The following EPHA5 variants were observed in gnomAD, a reference collection of about 807,000 sequenced individuals.
The protein encoded by EPHA5 is EPH receptor A5.
Under a neutral mutation model 105.0 loss-of-function variants are expected in EPHA5, and 60 were observed. That is an observed-to-expected ratio of 0.57 (90% confidence interval 0.46 to 0.71). The LOEUF (loss-of-function observed/expected upper bound fraction) is 0.71, where lower values mean the gene tolerates loss of function less well. EPHA5 is among the 30% of genes least tolerant of loss of function. The pLI, the probability that EPHA5 is intolerant of heterozygous loss-of-function variation, is 0.00. For synonymous variants in EPHA5, 513 were observed against 449.1 expected, an observed-to-expected ratio of 1.14 and a Z score of -1.80; for missense variants, 1,218 against 1,274.7, an observed-to-expected ratio of 0.96 and a Z score of 0.68.
At chr4:65,518,185 A>C (rs1237110695) in intron 3 of EPHA5, among the ~76,000 whole-genome samples, 1 of 151,962 alleles carries the variant, frequency 6.6e-6, no homozygotes, top group Non-Finnish European at 1.5e-5. Flanking sequence ...TCATGATATA[A>C]ATGCCATTTA....
intron 2 of EPHA5, among the ~76,000 whole-genome samples, chr4:65,616,281 G>A (rs962882001): frequency 3.3e-5 from 5 of 151,806 alleles, no homozygotes; most frequent in Non-Finnish European, 5.9e-5. Context: ...TTAGATCTGC[G>A]GATGAGGGAA....
intron 5 of EPHA5, among the ~76,000 whole-genome samples, chr4:65,454,320 G>A (rs1436242365): frequency 1.3e-5 from 2 of 151,606 alleles, no homozygotes; most frequent in Non-Finnish European, 2.9e-5. Flanking sequence ...AATATGAACA[G>A]TGTTGGTCCT....
Position 65,445,487 on chromosome 4 carries a change from A to T in EPHA5, c.1403-24922T>A, listed in dbSNP as rs556771080. The stretch of plus-strand genomic sequence containing the variant: ...TCTTTATGAGAAAAGTTAATTGGTC[A>T]TATAGTTTCGTAGTAATGAAGATGC... On this transcript the variant is annotated intron_variant, in intron 5 of 16. Transcript: ENST00000613740. 2.6e-5 allele frequency among the ~76,000 whole-genome samples: 4 copies of T among 152,270 alleles called. No homozygotes were observed. In the South Asian group the frequency reaches 6.2e-4, roughly 24 times the overall value.
intron 3 of EPHA5, chr4:65,573,906 A>T: frequency 6.2e-7 from 1 of 1,610,336 alleles, no homozygotes; most frequent in Non-Finnish European, 8.5e-7. Context: ...CCCCGGGACC[A>T]TTCTGATCAT....
chr4:65,515,383 GTC>G (rs1230165170), intron 3 of EPHA5, among the ~76,000 whole-genome samples: 1 of 152,030 alleles, frequency 6.6e-6, no homozygotes, highest in African/African-American at 2.4e-5. Flanking sequence ...TACGAATGAA[GTC>G]TGTTAAAATT....
chr4:65,477,900 A>G (rs1163649727), intron 5 of EPHA5, among the ~76,000 whole-genome samples: 2 of 152,320 alleles, frequency 1.3e-5, no homozygotes, highest in South Asian at 4.1e-4. Flanking sequence ...GAGAAGGAAC[A>G]GAAGGCCCTG....
At chr4:65,665,001 T>A (rs1337808495) in intron 1 of EPHA5, among the ~76,000 whole-genome samples, 2 of 151,906 alleles carry the variant, frequency 1.3e-5, no homozygotes, top group African/African-American at 2.4e-5. Context: ...AACTATTCAT[T>A]AGTAAAATAG....
At chr4:65,615,684 C>G (rs568879606) in intron 2 of EPHA5, among the ~76,000 whole-genome samples, 1 of 151,880 alleles carries the variant, frequency 6.6e-6, no homozygotes, top group East Asian at 1.9e-4. Context: ...TGAAATGATG[C>G]TAAATGTCAT....
In EPHA5 at chr4:65,665,737, C is replaced by T. The variant is rs1055171684; in HGVS notation, c.181+3825G>A. On this transcript the variant is annotated intron_variant, in intron 1 of 16. Transcript: ENST00000613740. ...AAATGAAATCCTCTTACCTGTCACCCTAACACCCAAGAAGATCTTTGTCTA... is the reference window on the plus strand; with the variant it reads ...AAATGAAATCCTCTTACCTGTCACCTTAACACCCAAGAAGATCTTTGTCTA... 3.3e-5 allele frequency among the ~76,000 whole-genome samples: 5 copies of T among 152,244 alleles called. No homozygotes were observed. The East Asian group carries it at 9.7e-4, about 29-fold the overall frequency.
intron 13 of EPHA5, 124 bp from the exon 14 acceptor site, chr4:65,348,327 G>T: frequency 1.3e-6 from 1 of 791,530 alleles, no homozygotes; most frequent in Non-Finnish European, 2.0e-6. Flanking sequence ...TTGACAGCGC[G>T]CAGTGTCTTT....
At chr4:65,473,198 C>G (rs1578196651) in intron 5 of EPHA5, among the ~76,000 whole-genome samples, 2 of 152,124 alleles carry the variant, frequency 1.3e-5, no homozygotes, top group African/African-American at 2.4e-5. Context: ...AAAAAACATT[C>G]AAGTCTCTAG....
intron 3 of EPHA5, among the ~76,000 whole-genome samples, chr4:65,544,766 C>T (rs1376882036): frequency 6.6e-6 from 1 of 151,926 alleles, no homozygotes; most frequent in Non-Finnish European, 1.5e-5. Flanking sequence ...TATAAAGACA[C>T]ATGCACATAT....
chr4:65,581,701 G>A lies in EPHA5; in HGVS notation c.910+19940C>T, dbSNP rs540778458. Reference sequence around the variant, plus strand: ...GTTTTGAGTTAGAAATGTCTTCAGCGCACTTTACTTCCTTAAATAAAATAT... The same window carrying A: ...GTTTTGAGTTAGAAATGTCTTCAGCACACTTTACTTCCTTAAATAAAATAT... On this transcript the variant is annotated intron_variant, in intron 3 of 16. Transcript: ENST00000613740. Among the ~76,000 whole-genome samples, 15 of 151,740 alleles carry A rather than the reference G, an allele frequency of 9.9e-5. No homozygotes were observed. In the South Asian group the frequency reaches 2.5e-3, roughly 25 times the overall value.
intron 5 of EPHA5, 114 bp from the exon 6 acceptor site, chr4:65,420,679 C>A: frequency 9.8e-7 from 1 of 1,022,458 alleles, no homozygotes; most frequent in Non-Finnish European, 1.3e-6. Context: ...AAAAAAATCC[C>A]AATTAAATTT....
chr4:65,406,118 A>T (rs1451169), intron 7 of EPHA5, among the ~76,000 whole-genome samples: 1 of 152,086 alleles, frequency 6.6e-6, no homozygotes, highest in South Asian at 2.1e-4. Context: ...AAACTTTCAA[A>T]GATCTCCCTC....
chr4:65,463,850 G>A (rs1728353801), intron 5 of EPHA5, among the ~76,000 whole-genome samples: 3 of 151,960 alleles, frequency 2.0e-5, no homozygotes, highest in Non-Finnish European at 2.9e-5. Context: ...CTGAGATAGG[G>A]AAATAATTTT....
At chr4:65,554,794 T>A (rs1738246167) in intron 3 of EPHA5, among the ~76,000 whole-genome samples, 1 of 151,584 alleles carries the variant, frequency 6.6e-6, no homozygotes, top group African/African-American at 2.4e-5. Flanking sequence ...TTAGTGAGAA[T>A]TTATCCTATG....
chr4:65,336,556 A>T (rs907186127), intron 14 of EPHA5, among the ~76,000 whole-genome samples: 5 of 152,136 alleles, frequency 3.3e-5, no homozygotes, highest in Non-Finnish European at 5.9e-5. Flanking sequence ...TTAAAGTAAT[A>T]GAACTGTAAT....
At chr4:65,664,536 A>G (rs1332106819) in intron 1 of EPHA5, among the ~76,000 whole-genome samples, 2 of 151,964 alleles carry the variant, frequency 1.3e-5, no homozygotes, top group African/African-American at 4.8e-5. Flanking sequence ...CAAGGATAGA[A>G]CATATGATAA....
Sources: allele counts gnomAD v4.1 joint callset (sites outside exome capture counted in the v4.1 genomes callset), GRCh38; gene constraint gnomAD v4.1.1; transcripts MANE v1.5; gene names NCBI Gene and HGNC (gene_info 2026-07-23, HGNC 2026-07-21).